Variants in EIF6 observed in about 807,000 individuals in gnomAD.
EIF6 encodes the protein B4 integrin interactor.
A neutral mutation model predicts 25.5 loss-of-function variants in EIF6; 10 were observed. The observed-to-expected ratio is 0.39, with a 90% CI of 0.24 to 0.66. The LOEUF (loss-of-function observed/expected upper bound fraction) is 0.66, where lower values mean the gene tolerates loss of function less well. EIF6 is among the 30% of genes least tolerant of loss of function. EIF6 has a pLI of 0.45. For missense variants in EIF6, 246 were observed against 315.4 expected (o/e 0.78, Z 1.67); for synonymous variants, 122 against 122.6 (o/e 1.00, Z 0.03).
At chr20:35,280,970 G>A (rs1476064990) in intron 3 of EIF6, 141 bp from the exon 4 acceptor site, 2 of 978,494 alleles carry the variant, frequency 2.0e-6, no homozygotes, top group African/African-American at 3.3e-5. Context: ...CACTGATCTG[G>A]AAAACACCCA....
At chr20:35,282,210 C>T (rs1245033755) in intron 3 of EIF6, among the ~76,000 whole-genome samples, 10 of 152,210 alleles carry the variant, frequency 6.6e-5, no homozygotes, top group East Asian at 1.9e-4. Context: ...AGGATGGTCT[C>T]GATCTCCCGA....
At position 35,284,467 on chromosome 20, in the gene EIF6, G is replaced by T; in HGVS notation, c.21C>A (p.Phe7Leu). 2 of 1,609,236 alleles carry T rather than the reference G, an allele frequency of 1.2e-6. No individual in the cohort carries two copies. Among genetic ancestry groups the T allele is most frequent in the Non-Finnish European group, 1.7e-6 (2 of 1,176,084 alleles). ...AGCAGCCGATCTCACAGTTGTTCTC[G>T]AACGAAGCTCGGACCGCCATGAGGC... MAVRASFENNCEIGCFA... is the reference protein window; with the variant it reads MAVRASLENNCEIGCFA... Residue 7 changes from phenylalanine (F) to leucine (L), a missense_variant, in exon 2 of 7, where the codon TTC (phenylalanine) becomes TTA (leucine). Coordinates refer to ENST00000374450, the MANE Select transcript of EIF6 (RefSeq NM_002212.4).
At chr20:35,279,318 C>A in intron 6 of EIF6, 112 bp from the exon 7 acceptor site, 1 of 1,392,574 alleles carries the variant, frequency 7.2e-7, no homozygotes, top group South Asian at 1.2e-5. Flanking sequence ...ACAAGCTGCT[C>A]AAGCAGCTAC....
At chr20:35,282,195 T>C (rs2060781337) in intron 3 of EIF6, among the ~76,000 whole-genome samples, 1 of 152,100 alleles carries the variant, frequency 6.6e-6, no homozygotes, top group African/African-American at 2.4e-5. Flanking sequence ...TTCACCGTGT[T>C]AACCAGGATG....
intron 3 of EIF6, among the ~76,000 whole-genome samples, chr20:35,281,202 C>T (rs561081088): frequency 3.3e-5 from 5 of 152,034 alleles, no homozygotes; most frequent in Admixed American, 1.3e-4. Context: ...CTGGCTAACA[C>T]GGTGAAACCC....
chr20:35,279,399 A>G (rs961538581), intron 6 of EIF6, among the ~76,000 whole-genome samples, 167 bp downstream of exon 6: 1 of 152,178 alleles, frequency 6.6e-6, no homozygotes, highest in African/African-American at 2.4e-5. Flanking sequence ...TATTTTTTGA[A>G]TATGCTGGCT....
In EIF6 at chr20:35,279,743, C is replaced by T. The variant is rs149350355; in HGVS notation, c.551G>A (p.Gly184Glu). The change falls in exon 6 of 7, where the codon GGG becomes GAG. Residue 184 changes from glycine to glutamate, a missense_variant. Transcript: ENST00000374450. ...SSLLQVPLVAGTVNRGSEVIA... is the reference protein window; with the variant it reads ...SSLLQVPLVAETVNRGSEVIA... ...CACCTCACTGCCTCGGTTCACAGTC[C>T]CCGCCTGCCAAGGGATGGGCTCAAT... 44 of 1,613,942 alleles carry T rather than the reference C, an allele frequency of 2.7e-5. No homozygotes were observed. Among genetic ancestry groups the T allele is most frequent in the Non-Finnish European group, 3.6e-5 (43 of 1,179,988 alleles).
chr20:35,284,723 T>C lies in EIF6; in HGVS notation c.-6+3A>G. 1.8e-6 allele frequency: 1 copy of C among 568,200 alleles called. No homozygotes were observed. The highest frequency in any genetic ancestry group is 3.1e-6 in the Non-Finnish European group (1 of 320,080). The allele number at this position is 568,200 out of a possible 1,614,324, so 35.2% of individuals were successfully genotyped here. ...CTCCCAGGTTCCCCTCACACCAGCT[T>C]ACCAAGTAACCAGTAACAAGCTCCG... On this transcript the variant is annotated splice_donor_region_variant and intron_variant, in intron 1 of 6. Coordinates refer to ENST00000374450, the MANE Select transcript of EIF6 (RefSeq NM_002212.4).
In EIF6 at chr20:35,279,589, G is replaced by A. The variant is rs2060752940; in HGVS notation, c.705C>T (p.Ser235=). The change falls in exon 6 of 7, where the codon AGC becomes AGT. Residue 235 remains serine (S), a synonymous_variant. Transcript: ENST00000374450. The part of the protein sequence containing the change: ...NEAQPSTIAT[S]MRDSLIDSLT ...ACCTGTCAATGAGGGAATCCCGCAT[G>A]CTGGTGGCAATGGTGCTAGGCTGGG... 1 of 1,614,026 alleles carries A rather than the reference G, an allele frequency of 6.2e-7. No homozygotes were observed. Among genetic ancestry groups the A allele is most frequent in the African/African-American group, 1.3e-5 (1 of 74,924 alleles).
Position 35,279,699 on chromosome 20 carries a change from C to A in EIF6, c.595G>T (p.Val199Leu). ...GSEVIAAGMVVNDWCAFCGLD... is the reference protein window; with the variant it reads ...GSEVIAAGMVLNDWCAFCGLD... Reference sequence around the variant, plus strand: ...CCACAGAAGGCACACCAGTCATTCACCACCATCCCAGCAGCAATCACCTCA... The same window carrying A: ...CCACAGAAGGCACACCAGTCATTCAACACCATCCCAGCAGCAATCACCTCA... The change falls in exon 6 of 7, where the codon GTG (valine) becomes TTG (leucine). Residue 199 changes from valine (V) to leucine (L), a missense_variant. Physicochemically the swap from Val to Leu is conservative, Grantham distance 32 (BLOSUM62 1). Transcript: ENST00000374450. 1 of 1,614,194 alleles carries A rather than the reference C, an allele frequency of 6.2e-7. No individual in the cohort carries two copies. Among genetic ancestry groups the A allele is most frequent in the Middle Eastern group, 1.7e-4 (1 of 6,060 alleles).
intron 3 of EIF6, 134 bp downstream of exon 3, chr20:35,284,042 T>G: frequency 7.7e-6 from 9 of 1,173,712 alleles, no homozygotes; most frequent in Non-Finnish European, 9.5e-6. Context: ...ACGCTTGGCC[T>G]GAGAGATTCT....
At position 35,279,802 on chromosome 20, in the gene EIF6, A is replaced by G. The variant is rs531888747; in HGVS notation, c.547-55T>C. 104 of 1,606,040 alleles carry G rather than the reference A, an allele frequency of 6.5e-5. No homozygotes were observed. In the East Asian group the frequency reaches 1.0e-3, roughly 16 times the overall value. ...CGGCACCAAATTCTCTCCCTCCTCA[A>G]TGAAGACTCTCCCCAAACCCTGCTC... On this transcript the variant is annotated intron_variant, in intron 5 of 6. Transcript: ENST00000374450.
chr20:35,284,038 G>A (rs2060800448), intron 3 of EIF6, 138 bp downstream of exon 3: 1 of 1,123,012 alleles, frequency 8.9e-7, no homozygotes, highest in Admixed American at 2.6e-5. Flanking sequence ...CCTGACGCTT[G>A]GCCTGAGAGA....
chr20:35,284,493 C>T lies in EIF6; in HGVS notation c.-5-1G>A, dbSNP rs6120891. On this transcript the variant is annotated splice_acceptor_variant, in intron 1 of 6. Transcript: ENST00000374450. LOFTEE classifies it low-confidence loss of function (5UTR_SPLICE). ...AACGAAGCTCGGACCGCCATGAGGC[C>T]TAGGGGCGGCGGAGGCGGGAGTTCA... is the stretch of plus-strand genomic sequence containing the variant. 4 of 1,593,592 alleles carry T rather than the reference C, an allele frequency of 2.5e-6. No individual in the cohort carries two copies. Among genetic ancestry groups the T allele is most frequent in the Non-Finnish European group, 1.7e-6 (2 of 1,164,520 alleles).
rs934865910 is a variant in EIF6 at position 35,279,536 on chromosome 20, T to A, written c.728+30A>T. On this transcript the variant is annotated intron_variant, in intron 6 of 6. Coordinates refer to ENST00000374450, the MANE Select transcript of EIF6 (RefSeq NM_002212.4). ...CAAAATGCAAGTTAACCCCCAACCC[T>A]GAGCAGAAGAAAGGAGAGGCCCCAG... 8 of 1,610,720 alleles carry A rather than the reference T, an allele frequency of 5.0e-6. No individual in the cohort carries two copies. The Admixed American group carries it at 8.3e-5, about 17-fold the overall frequency.
intron 4 of EIF6, 149 bp from the exon 5 acceptor site, chr20:35,280,267 G>A: frequency 1.1e-6 from 1 of 898,594 alleles, no homozygotes; most frequent in South Asian, 1.7e-5. Context: ...GAGAAAGGAG[G>A]AAGTACAGCT....
In EIF6 at chr20:35,279,723, C is replaced by G; in HGVS notation, c.571G>C (p.Glu191Gln). The G allele has an allele frequency of 6.2e-7, 1 of 1,614,172 alleles. No individual in the cohort carries two copies. Among genetic ancestry groups the G allele is most frequent in the Non-Finnish European group, 8.5e-7 (1 of 1,180,038 alleles). The part of the protein sequence containing the change: ...LVAGTVNRGS[E>Q]VIAAGMVVND... Reference sequence around the variant, plus strand: ...ACCACCATCCCAGCAGCAATCACCTCACTGCCTCGGTTCACAGTCCCCGCC... The same window carrying G: ...ACCACCATCCCAGCAGCAATCACCTGACTGCCTCGGTTCACAGTCCCCGCC... Residue 191 changes from glutamate (E) to glutamine (Q), a missense_variant, in exon 6 of 7, where the codon GAG (glutamate) becomes CAG (glutamine). Transcript: ENST00000374450.
chr20:35,281,755 A>G (rs1418883236), intron 3 of EIF6, among the ~76,000 whole-genome samples: 1 of 152,032 alleles, frequency 6.6e-6, no homozygotes, highest in Non-Finnish European at 1.5e-5. Flanking sequence ...CAGAATGACT[A>G]AAATTTTTAC....
chr20:35,284,169 G>A lies in EIF6; in HGVS notation c.193+7C>T. 1 of 1,584,450 alleles carries A rather than the reference G, an allele frequency of 6.3e-7. No homozygotes were observed. Among genetic ancestry groups the A allele is most frequent in the Non-Finnish European group, 8.6e-7 (1 of 1,164,896 alleles). On this transcript the variant is annotated splice_region_variant and intron_variant, in intron 3 of 6. Coordinates refer to ENST00000374450, the MANE Select transcript of EIF6 (RefSeq NM_002212.4). ...CTCCCTCCCTCGGCGTCCTCCACCTGCCTTACCCACACACATGCGCCCGAT... is the reference window on the plus strand; with the variant it reads ...CTCCCTCCCTCGGCGTCCTCCACCTACCTTACCCACACACATGCGCCCGAT...
Sources: allele counts gnomAD v4.1 joint callset (sites outside exome capture counted in the v4.1 genomes callset), GRCh38; gene constraint gnomAD v4.1.1; transcripts MANE v1.5; gene names NCBI Gene and HGNC (gene_info 2026-07-23, HGNC 2026-07-21).